The following COX5A variants were observed in gnomAD, a reference collection of about 807,000 sequenced individuals.
COX5A encodes cytochrome c oxidase subunit 5A.
COX5A carries 6 observed loss-of-function variants against 16.1 expected under a neutral mutation model. That is an observed-to-expected ratio of 0.37 (90% CI 0.20 to 0.73). COX5A has a LOEUF of 0.73. Ranked by LOEUF, COX5A falls within the 30% of genes least tolerant of loss-of-function variation. COX5A has a pLI of 0.50. For missense variants in COX5A, 159 were observed against 194.9 expected (o/e 0.82, Z 1.10); for synonymous variants, 73 against 73.8 (o/e 0.99, Z 0.06).
intron 1 of COX5A, among the ~76,000 whole-genome samples, chr15:74,930,713 A>G (rs1595862608): frequency 6.8e-6 from 1 of 146,902 alleles, no homozygotes; most frequent in Admixed American, 6.8e-5. Flanking sequence ...CTTCATTCAC[A>G]CATTAAAAAA....
At chr15:74,928,057 A>G (rs1320212954) in intron 2 of COX5A, among the ~76,000 whole-genome samples, 1 of 152,254 alleles carries the variant, frequency 6.6e-6, no homozygotes, top group African/African-American at 2.4e-5. Flanking sequence ...CAGATTGTTC[A>G]GTAAGAATTC....
chr15:74,925,804 G>A (rs960569809), intron 3 of COX5A, among the ~76,000 whole-genome samples: 5 of 152,042 alleles, frequency 3.3e-5, no homozygotes, highest in Admixed American at 6.6e-5. Flanking sequence ...CAAATAGCAA[G>A]AAGATGAATA....
At chr15:74,924,319 A>G (rs1381277055) in intron 3 of COX5A, among the ~76,000 whole-genome samples, 1 of 151,696 alleles carries the variant, frequency 6.6e-6, no homozygotes, top group Non-Finnish European at 1.5e-5. Flanking sequence ...CGGGTGGATC[A>G]CAAGGTCAGG....
At chr15:74,921,265 G>A (rs936368931) in intron 4 of COX5A, among the ~76,000 whole-genome samples, 11 of 150,884 alleles carry the variant, frequency 7.3e-5, no homozygotes, top group Non-Finnish European at 7.4e-5. Context: ...AAAATTAGCC[G>A]GGCATGGTGG....
rs1752689275 is a variant in COX5A, at chr15:74,929,187, T to C, written c.146A>G (p.Asp49Gly). Residue 49 changes from aspartate to glycine, a missense_variant, in exon 2 of 5, where the codon GAT (aspartate) becomes GGT (glycine). By Grantham distance (94) the Asp-to-Gly change is moderately conservative. Transcript: ENST00000322347. Reference sequence around the variant, plus strand: ...TACCCAGCGAGCATCAAACTCCTCATCTGTCTCCTGTGACCCATGGGAATA... The same window carrying C: ...TACCCAGCGAGCATCAAACTCCTCACCTGTCTCCTGTGACCCATGGGAATA... ...RCYSHGSQET[D>G]EEFDARWVTY... 1 of 1,614,168 alleles carries C rather than the reference T, an allele frequency of 6.2e-7. No homozygotes were observed. The highest frequency in any genetic ancestry group is 8.5e-7 in the Non-Finnish European group (1 of 1,179,996).
chr15:74,921,339 C>T (rs576385702), intron 4 of COX5A, among the ~76,000 whole-genome samples: 52 of 140,750 alleles, frequency 3.7e-4, no homozygotes, highest in Non-Finnish European at 1.7e-4. Flanking sequence ...ACCTGGAAAA[C>T]GGAGCTTGCA....
chr15:74,933,757 T>C (rs2065377202), intron 1 of COX5A, among the ~76,000 whole-genome samples: 2 of 152,194 alleles, frequency 1.3e-5, no homozygotes, highest in African/African-American at 2.4e-5. Flanking sequence ...GAAAGGTCTA[T>C]GTACTCCTTC....
At chr15:74,920,596 C>T (rs1404841616) in intron 4 of COX5A, among the ~76,000 whole-genome samples, 154 bp from the exon 5 acceptor site, 2 of 152,202 alleles carry the variant, frequency 1.3e-5, no homozygotes, top group African/African-American at 2.4e-5. Context: ...AACCCACAAG[C>T]GACTAGCTTT....
chr15:74,926,774 C>T lies in COX5A; in HGVS notation c.331G>A (p.Val111Ile). The T allele has an allele frequency of 1.2e-6, 2 of 1,610,970 alleles. No individual in the cohort carries two copies. Among genetic ancestry groups the T allele is most frequent in the East Asian group, 2.2e-5 (1 of 44,764 alleles). ...DFASTVRILE[V>I]VKDKAGPHKE... is the part of the protein sequence containing the mutation. The stretch of plus-strand genomic sequence containing the variant: ...ATTATTATTTCACTGACCTTAACAA[C>T]CTCTAGGATACGAACTGTACTAGCA... Residue 111 changes from valine to isoleucine, a missense_variant, in exon 3 of 5, where the codon GTT becomes ATT. Transcript: ENST00000322347.
chr15:74,924,522 A>C (rs1052533334), intron 3 of COX5A, among the ~76,000 whole-genome samples: 5 of 118,460 alleles, frequency 4.2e-5, no homozygotes, highest in African/African-American at 1.4e-4. Context: ...CTCTGTCTCA[A>C]AAAAATAATA....
At chr15:74,928,545 C>T (rs921718023) in intron 2 of COX5A, among the ~76,000 whole-genome samples, 26 of 152,184 alleles carry the variant, frequency 1.7e-4, no homozygotes, top group Admixed American at 1.2e-3. Context: ...CCACCACGTC[C>T]GGCTAATTTT....
chr15:74,922,310 C>T (rs1000211607), intron 4 of COX5A, among the ~76,000 whole-genome samples: 4 of 150,508 alleles, frequency 2.7e-5, no homozygotes, highest in Non-Finnish European at 4.4e-5. Flanking sequence ...GGCTTGAACC[C>T]GGGAGGCGGA....
chr15:74,935,117 T>C (rs1566982745), intron 1 of COX5A, among the ~76,000 whole-genome samples: 1 of 152,096 alleles, frequency 6.6e-6, no homozygotes. Flanking sequence ...GTGGTAACTG[T>C]AGGAATGAGG....
chr15:74,931,318 T>C (rs561665328), intron 1 of COX5A, among the ~76,000 whole-genome samples: 1 of 151,904 alleles, frequency 6.6e-6, no homozygotes, highest in African/African-American at 2.4e-5. Context: ...CTGATCAACA[T>C]TGTGAAACTC....
intron 4 of COX5A, among the ~76,000 whole-genome samples, chr15:74,922,113 G>A (rs1165793655): frequency 3.3e-5 from 5 of 152,228 alleles, no homozygotes; most frequent in East Asian, 1.9e-4. Flanking sequence ...CCACCTGGGC[G>A]TGGTGGCTCA....
intron 2 of COX5A, among the ~76,000 whole-genome samples, chr15:74,928,885 TAC>T (rs950381370): frequency 6.6e-6 from 1 of 152,152 alleles, no homozygotes; most frequent in African/African-American, 2.4e-5. Context: ...CTAAACACCC[TAC>T]AGTGTAAAGG....
chr15:74,931,462 T>C (rs992031552), intron 1 of COX5A, among the ~76,000 whole-genome samples: 3 of 151,634 alleles, frequency 2.0e-5, no homozygotes, highest in African/African-American at 7.3e-5. Flanking sequence ...GATGATGCCA[T>C]TGTACTCCAG....
intron 1 of COX5A, among the ~76,000 whole-genome samples, chr15:74,930,411 C>T (rs12903370): frequency 0.4 from 49,972 of 124,452 alleles, 11,476 homozygotes; most frequent in Non-Finnish European, 0.54. Context: ...AGCGAGACTC[C>T]GCCTCAAAAA....
intron 2 of COX5A, among the ~76,000 whole-genome samples, chr15:74,928,358 A>G (rs2065352538): frequency 1.3e-5 from 2 of 152,180 alleles, no homozygotes; most frequent in South Asian, 4.1e-4. Flanking sequence ...CCAAAGGGGA[A>G]GGGAACCAAA....
Sources: gnomAD v4.1 joint callset for allele counts (sites outside exome capture counted in the v4.1 genomes callset) on GRCh38, gnomAD v4.1.1 for gene constraint, MANE v1.5 for transcripts, NCBI Gene and HGNC (gene_info 2026-07-23, HGNC 2026-07-21) for gene names.